The following PDE1C variants were observed in gnomAD, a reference collection of about 807,000 sequenced individuals.
The protein encoded by PDE1C is phosphodiesterase 1C.
A neutral mutation model predicts 93.1 loss-of-function variants in PDE1C; 62 were observed. The ratio of observed to expected loss-of-function variants is 0.67; its 90% CI spans 0.54 to 0.82. The LOEUF is 0.82. Among genes scored for constraint, PDE1C ranks in the 40% least tolerant of loss-of-function variants. The pLI is 0.00. For missense variants in PDE1C, 742 were observed against 884.6 expected, an observed-to-expected ratio of 0.84 and a Z score of 2.04; for synonymous variants, 325 against 310.1, an observed-to-expected ratio of 1.05 and a Z score of -0.50.
intron 2 of PDE1C, among the ~76,000 whole-genome samples, chr7:31,943,802 T>G (rs534353421): frequency 6.6e-6 from 1 of 152,270 alleles, no homozygotes; most frequent in South Asian, 2.1e-4. Flanking sequence ...CAAAACCAAT[T>G]AGAGGAATTT....
At chr7:31,798,425 T>C (rs1454528166) in intron 16 of PDE1C, among the ~76,000 whole-genome samples, 2 of 151,732 alleles carry the variant, frequency 1.3e-5, no homozygotes, top group African/African-American at 2.4e-5. Context: ...ACCATTCTTA[T>C]ATAAAGAACA....
intron 1 of PDE1C, among the ~76,000 whole-genome samples, chr7:32,225,013 TTTC>T (rs1807149546): frequency 7.4e-6 from 1 of 134,550 alleles, no homozygotes; most frequent in Non-Finnish European, 1.7e-5. Flanking sequence ...AGGAATCACC[TTTC>T]TTATTTAAAA....
At chr7:32,200,099 C>A (rs1391168382) in intron 2 of PDE1C, among the ~76,000 whole-genome samples, 1 of 152,116 alleles carries the variant, frequency 6.6e-6, no homozygotes, top group Non-Finnish European at 1.5e-5. Flanking sequence ...ATTTCTGGTC[C>A]CAGGCATTTT....
the PDE1C span, among the ~76,000 whole-genome samples, chr7:31,664,211 G>C: frequency 6.6e-6 from 1 of 152,212 alleles, no homozygotes; most frequent in Non-Finnish European, 1.5e-5. Flanking sequence ...TACAGGTGAG[G>C]AGTAGGCAGC....
At chr7:31,681,945 C>G in the PDE1C span, among the ~76,000 whole-genome samples, 414 of 152,256 alleles carry the variant, frequency 2.7e-3, 1 homozygote, top group South Asian at 8.9e-3. Flanking sequence ...GTGAGTCTCC[C>G]TTAACTGTAT....
chr7:31,930,686 AAAT>A (rs1484139388), intron 2 of PDE1C, among the ~76,000 whole-genome samples: 1 of 151,350 alleles, frequency 6.6e-6, no homozygotes, highest in African/African-American at 2.4e-5. Context: ...TAAAAATACA[AAAT>A]AATAATAATA....
intron 16 of PDE1C, among the ~76,000 whole-genome samples, chr7:31,780,804 TGTGTGTGTG>T (rs1783352853): frequency 1.4e-3 from 1 of 734 alleles, no homozygotes; most frequent in African/African-American, 1.8e-3. Flanking sequence ...CGTGTGCATT[TGTGTGTGTG>T]TGTGTGTGTG....
the PDE1C span, among the ~76,000 whole-genome samples, chr7:31,677,602 T>G: frequency 6.6e-6 from 1 of 152,168 alleles, no homozygotes; most frequent in African/African-American, 2.4e-5. Context: ...AACTCATTCA[T>G]GTAAGAAAAA....
At chr7:32,307,706 G>A (rs1334896962) in intron 1 of PDE1C, among the ~76,000 whole-genome samples, 2 of 152,152 alleles carry the variant, frequency 1.3e-5, no homozygotes, top group African/African-American at 2.4e-5. Context: ...CAAAGCACCT[G>A]AGCCTACCAC....
At chr7:32,402,437 G>A (rs937522866) in intron 1 of PDE1C, among the ~76,000 whole-genome samples, 3 of 151,946 alleles carry the variant, frequency 2.0e-5, no homozygotes, top group African/African-American at 7.2e-5. Context: ...CAAGAACCAG[G>A]AGCCCTGATT....
intron 3 of PDE1C, among the ~76,000 whole-genome samples, chr7:32,092,437 C>T (rs960243907): frequency 6.6e-6 from 1 of 152,152 alleles, no homozygotes; most frequent in African/African-American, 2.4e-5. Context: ...ATGCTGACTT[C>T]CCAGTGACCC....
chr7:31,629,583 G>C, the PDE1C span, among the ~76,000 whole-genome samples: 1 of 152,212 alleles, frequency 6.6e-6, no homozygotes, highest in Non-Finnish European at 1.5e-5. Flanking sequence ...GATATGAAAA[G>C]ATGCTAGAGG....
At chr7:31,731,314 G>A in the PDE1C span, among the ~76,000 whole-genome samples, 1 of 152,008 alleles carries the variant, frequency 6.6e-6, no homozygotes, top group Non-Finnish European at 1.5e-5. Flanking sequence ...AGCTCTTCAG[G>A]AGCCCTAGCC....
chr7:31,838,100 C>T (rs758684500), intron 9 of PDE1C, 129 bp from the exon 10 acceptor site: 1 of 662,898 alleles, frequency 1.5e-6, no homozygotes, highest in Non-Finnish European at 2.7e-6. Flanking sequence ...TAATTTGGGT[C>T]TTTAAGGTGA....
At position 32,281,055 on chromosome 7, in the gene PDE1C, A is replaced by T. The variant is rs1260153072; in HGVS notation, c.85+17596T>A. On this transcript the variant is annotated intron_variant, in intron 1 of 18. Transcript: ENST00000396193. ...ATATGTATGTGTGTGTAACATTAGT[A>T]TTATTAAATTAATATTTTAAATCAG... is the stretch of plus-strand genomic sequence containing the variant. Among the ~76,000 whole-genome samples the T allele has an allele frequency of 2.0e-5, 3 of 152,220 alleles. No individual in the cohort carries two copies. The East Asian group carries it at 5.8e-4, about 29-fold the overall frequency.
intron 1 of PDE1C, among the ~76,000 whole-genome samples, chr7:32,413,787 C>T (rs768344900): frequency 6.6e-6 from 1 of 151,982 alleles, no homozygotes; most frequent in Non-Finnish European, 1.5e-5. Flanking sequence ...TAGAAGGAAG[C>T]ATGAAAAAAT....
intron 5 of PDE1C, among the ~76,000 whole-genome samples, chr7:31,873,754 T>C (rs573330105): frequency 6.6e-6 from 1 of 152,300 alleles, no homozygotes; most frequent in East Asian, 1.9e-4. Context: ...ATAAATTACC[T>C]AATTTCCCTA....
At chr7:32,416,992 C>T (rs992895892) in intron 1 of PDE1C, among the ~76,000 whole-genome samples, 1 of 152,180 alleles carries the variant, frequency 6.6e-6, no homozygotes, top group African/African-American at 2.4e-5. Flanking sequence ...TAAACACCCA[C>T]CCCATGCCTG....
intron 3 of PDE1C, among the ~76,000 whole-genome samples, chr7:32,147,272 A>AG (rs71559212): frequency 1.0e-5 from 1 of 96,610 alleles, no homozygotes; most frequent in Non-Finnish European, 2.2e-5. Flanking sequence ...AAGAAAGAAA[A>AG]AAAGAAAGAA....
Sources: gnomAD v4.1 joint callset for allele counts (sites outside exome capture counted in the v4.1 genomes callset) on GRCh38, gnomAD v4.1.1 for gene constraint, MANE v1.5 for transcripts, NCBI Gene and HGNC (gene_info 2026-07-23, HGNC 2026-07-21) for gene names.